The following FAT3 variants were observed in gnomAD, a reference collection of about 807,000 sequenced individuals.
The protein encoded by FAT3 is FAT atypical cadherin 3, also known as protocadherin Fat 3.
FAT3 carries 95 observed loss-of-function variants against 310.2 expected under a neutral mutation model. The ratio of observed to expected loss-of-function variants is 0.31; its 90% CI spans 0.26 to 0.36. The LOEUF (loss-of-function observed/expected upper bound fraction) is 0.36. Among genes scored for constraint, FAT3 ranks in the 10% least tolerant of loss-of-function variants. FAT3 has a pLI of 1.00. For synonymous variants in FAT3, 2,314 were observed against 2,192.9 expected, an observed-to-expected ratio of 1.06 and a Z score of -1.54; for missense variants, 5,408 against 5,715.6, an observed-to-expected ratio of 0.95 and a Z score of 1.74.
At chr11:92,829,445 G>A (rs1240988787) in intron 13 of FAT3, among the ~76,000 whole-genome samples, 3 of 152,156 alleles carry the variant, frequency 2.0e-5, no homozygotes, top group African/African-American at 7.2e-5. Flanking sequence ...TTGTGACTTG[G>A]AGAGGCATCC....
intron 12 of FAT3, among the ~76,000 whole-genome samples, chr11:92,808,909 G>A (rs1197416737): frequency 6.6e-6 from 1 of 152,052 alleles, no homozygotes; most frequent in Admixed American, 6.5e-5. Context: ...CTGGGCGACA[G>A]AGCAAGACTC....
chr11:92,508,437 C>T (rs182883046), intron 2 of FAT3, among the ~76,000 whole-genome samples: 11 of 151,916 alleles, frequency 7.2e-5, no homozygotes, highest in Non-Finnish European at 1.0e-4. Flanking sequence ...GCTTTACTTA[C>T]GTTTTTCAGA....
chr11:92,260,521 C>T (rs1217102673), intron 1 of FAT3, among the ~76,000 whole-genome samples: 1 of 152,008 alleles, frequency 6.6e-6, no homozygotes, highest in Non-Finnish European at 1.5e-5. Flanking sequence ...TTTATAAACT[C>T]CCACTTTTAA....
At chr11:92,765,853 T>C (rs1232776770) in intron 6 of FAT3, among the ~76,000 whole-genome samples, 1 of 152,072 alleles carries the variant, frequency 6.6e-6, no homozygotes, top group Non-Finnish European at 1.5e-5. Context: ...TGTTGTTTTG[T>C]TTTTATCTTT....
intron 3 of FAT3, among the ~76,000 whole-genome samples, chr11:92,630,218 C>T (rs75443840): frequency 0.015 from 2,340 of 152,234 alleles, 29 homozygotes; most frequent in Middle Eastern, 0.031. Context: ...GAATTCCTTG[C>T]CCCTTGATGC....
intron 2 of FAT3, among the ~76,000 whole-genome samples, chr11:92,442,099 ATATATATATATAT>A (rs1346746190): frequency 1.4e-4 from 6 of 42,646 alleles, no homozygotes; most frequent in East Asian, 7.2e-4. Context: ...ATATATATAT[ATATATATATATAT>A]TTTTTTTTTT....
intron 13 of FAT3, among the ~76,000 whole-genome samples, chr11:92,819,969 C>G (rs1230275634): frequency 6.6e-6 from 1 of 152,144 alleles, no homozygotes; most frequent in Non-Finnish European, 1.5e-5. Context: ...TCCCCACTTC[C>G]TGATATTCAC....
intron 3 of FAT3, among the ~76,000 whole-genome samples, chr11:92,694,746 G>A (rs1182774037): frequency 6.6e-6 from 1 of 152,112 alleles, no homozygotes; most frequent in South Asian, 2.1e-4. Context: ...CAGGGTGAAG[G>A]CCAACAGCCC....
At chr11:92,875,836 GA>G (rs1195731661) in intron 22 of FAT3, among the ~76,000 whole-genome samples, 1 of 152,180 alleles carries the variant, frequency 6.6e-6, no homozygotes, top group African/African-American at 2.4e-5. Flanking sequence ...AAAAGATGAT[GA>G]AAACGGCAAA....
At chr11:92,887,218 T>C (rs2136431433) in intron 25 of FAT3, 105 bp downstream of exon 25, 2 of 935,768 alleles carry the variant, frequency 2.1e-6, no homozygotes, top group East Asian at 2.6e-5. Context: ...TCTCAACCTG[T>C]TCATGGGCTT....
chr11:92,281,714 G>C (rs1206030154), intron 1 of FAT3, among the ~76,000 whole-genome samples: 2 of 152,268 alleles, frequency 1.3e-5, no homozygotes, highest in African/African-American at 4.8e-5. Flanking sequence ...GGCTTCTCTG[G>C]ATTTAGTCAG....
intron 2 of FAT3, among the ~76,000 whole-genome samples, chr11:92,432,056 G>C (rs1950795528): frequency 6.6e-6 from 1 of 152,154 alleles, no homozygotes; most frequent in Non-Finnish European, 1.5e-5. Flanking sequence ...TAGCTTGATG[G>C]GGATGGCATT....
chr11:92,326,026 T>G (rs1422405344), intron 1 of FAT3, among the ~76,000 whole-genome samples: 1 of 152,206 alleles, frequency 6.6e-6, no homozygotes, highest in Non-Finnish European at 1.5e-5. Flanking sequence ...TCCATGTTGG[T>G]GAGAAAGTTT....
rs150451091 is a variant in FAT3 at position 92,351,523 on chromosome 11, C to A, written c.-17-573C>A. On this transcript the variant is annotated intron_variant, in intron 1 of 27. Transcript: ENST00000525166. ...TCATGCTATATATACTGTTTGATGA[C>A]CTTTTTTCCTTAGCATTACATCTTA... Among the ~76,000 whole-genome samples, 817 of 152,206 alleles carry A rather than the reference C, an allele frequency of 5.4e-3. 9 individuals are homozygous for A. The highest frequency in any genetic ancestry group is 0.018 in the African/African-American group (762 of 41,528).
chr11:92,619,704 G>T (rs1278271777), intron 3 of FAT3, among the ~76,000 whole-genome samples: 2 of 151,448 alleles, frequency 1.3e-5, no homozygotes, highest in African/African-American at 2.4e-5. Flanking sequence ...AAAGTTAATA[G>T]TCGTTTCTCA....
rs540663055 is a variant in FAT3 at position 92,598,613 on chromosome 11, C to T, written c.3607+73665C>T. Among the ~76,000 whole-genome samples the T allele has an allele frequency of 2.0e-5, 3 of 152,194 alleles. No individual in the cohort carries two copies. The East Asian group carries it at 5.8e-4, about 29-fold the overall frequency. ...TTTTATAAATGTGAATACCAAGGCT[C>T]AGAAAGGTTATGTAACTTGTAAGAT... On this transcript the variant is annotated intron_variant, in intron 3 of 27. Coordinates refer to ENST00000525166, the MANE Select transcript of FAT3 (RefSeq NM_001367949.2).
intron 2 of FAT3, among the ~76,000 whole-genome samples, chr11:92,493,995 A>G (rs1293193011): frequency 2.0e-5 from 3 of 151,322 alleles, no homozygotes; most frequent in Non-Finnish European, 4.4e-5. Context: ...TAACAGCTGT[A>G]TGATCTCATG....
chr11:92,857,704 G>A (rs1591821291), intron 20 of FAT3, among the ~76,000 whole-genome samples: 1 of 152,152 alleles, frequency 6.6e-6, no homozygotes, highest in South Asian at 2.1e-4. Flanking sequence ...GATGCTCAGG[G>A]TGCTGCACAA....
In FAT3 at chr11:92,859,224, A is replaced by C; in HGVS notation, c.11560A>C (p.Ser3854Arg). 3 of 1,613,942 alleles carry C rather than the reference A, an allele frequency of 1.9e-6. No individual in the cohort carries two copies. Among genetic ancestry groups the C allele is most frequent in the Non-Finnish European group, 2.5e-6 (3 of 1,179,882 alleles). ...CATCAAATATCGGCTTTCTGAAAAT[A>C]GCAAAGAAGAGGATTTCAAACTAGC... ...SYIKYRLSEN[S>R]KEEDFKLALR... Residue 3854 changes from serine to arginine, a missense_variant, in exon 21 of 28, where the codon AGC becomes CGC. Ser to Arg is a moderately radical substitution (Grantham distance 110). Coordinates refer to ENST00000525166, the MANE Select transcript of FAT3 (RefSeq NM_001367949.2).
Sources: gnomAD v4.1 joint callset for allele counts (sites outside exome capture counted in the v4.1 genomes callset) on GRCh38, gnomAD v4.1.1 for gene constraint, MANE v1.5 for transcripts, NCBI Gene and HGNC (gene_info 2026-07-23, HGNC 2026-07-21) for gene names.